The following BAG3 variants were observed in gnomAD, a reference collection of about 807,000 sequenced individuals.
BAG3 encodes the protein BAG family molecular chaperone regulator 3.
In BAG3, 14 loss-of-function variants were observed where a neutral mutation model predicts 40.5. The ratio of observed to expected loss-of-function variants is 0.35; its 90% CI spans 0.23 to 0.54. BAG3 has a LOEUF of 0.54. BAG3 is among the 20% of genes least tolerant of loss of function. BAG3 has a pLI of 0.91. For synonymous variants in BAG3, 302 were observed against 307.8 expected (o/e 0.98, Z 0.20); for missense variants, 788 against 758.6 (o/e 1.04, Z -0.46).
At position 119,658,623 on chromosome 10, in the gene BAG3, C is replaced by T. The variant is rs930351351; in HGVS notation, c.180+6768C>T. 4.6e-5 allele frequency among the ~76,000 whole-genome samples: 7 copies of T among 152,210 alleles called. No homozygotes were observed. The South Asian group carries it at 1.0e-3, about 23-fold the overall frequency. On this transcript the variant is annotated intron_variant, in intron 1 of 3. Transcript: ENST00000369085. ...CCCCGGGAGATGAAGGTTTTGGAGA[C>T]GTTAGTGACACATGGATGTTATCAC...
intron 1 of BAG3, among the ~76,000 whole-genome samples, chr10:119,655,306 C>T (rs193117498): frequency 6.6e-6 from 1 of 152,058 alleles, no homozygotes; most frequent in South Asian, 2.1e-4. Context: ...GGGAGGTGGT[C>T]CAGAGATCTT....
intron 3 of BAG3, among the ~76,000 whole-genome samples, chr10:119,675,784 TCCCTTCCCCCCTTC>T (rs1215247676): frequency 5.8e-4 from 7 of 12,066 alleles, no homozygotes; most frequent in South Asian, 4.6e-3. Flanking sequence ...TCCCTCCCCC[TCCCTTCCCCCCTTC>T]CCCTTCCCCC....
intron 1 of BAG3, among the ~76,000 whole-genome samples, chr10:119,664,712 C>G (rs1402518698): frequency 6.6e-6 from 1 of 152,148 alleles, no homozygotes; most frequent in Non-Finnish European, 1.5e-5. Flanking sequence ...CTGGTGTAAC[C>G]AAGAGGCATT....
chr10:119,672,425 C>T lies in BAG3; in HGVS notation c.678C>T (p.His226=), dbSNP rs1847164531. 1 of 1,614,218 alleles carries T rather than the reference C, an allele frequency of 6.2e-7. No individual in the cohort carries two copies. Among genetic ancestry groups the T allele is most frequent in the Non-Finnish European group, 8.5e-7 (1 of 1,180,046 alleles). ...GGCCAGCAGCCCAGCCCTCCTTCCACCAAGCCCAGAAGACGCACTACCCAG... is the reference window on the plus strand; with the variant it reads ...GGCCAGCAGCCCAGCCCTCCTTCCATCAAGCCCAGAAGACGCACTACCCAG... The part of the protein sequence containing the change: ...VTRPAAQPSF[H]QAQKTHYPAQ... Residue 226 remains histidine (H), a synonymous_variant, in exon 3 of 4, where the codon CAC becomes CAT. Transcript: ENST00000369085. This position sits in a 1 kb window ranked among gnomAD's most constrained non-coding sequence, Gnocchi z 4.8.
intron 2 of BAG3, 151 bp downstream of exon 2, chr10:119,670,328 CAA>C (rs1847131895): frequency 4.9e-6 from 4 of 816,776 alleles, no homozygotes; most frequent in Non-Finnish European, 7.5e-6. Context: ...GGTCACCCAG[CAA>C]AGACAGGGTG....
rs752390475 is a variant in BAG3, at chr10:119,677,125, T to C, written c.1571T>C (p.Ile524Thr). Residue 524 changes from isoleucine (I) to threonine (T), a missense_variant, in exon 4 of 4, where the codon ATC becomes ACC. Ile to Thr is a moderately conservative substitution (Grantham distance 89). Transcript: ENST00000369085. The stretch of plus-strand genomic sequence containing the variant: ...GAAGCAGATCAGCCACTGCAGGCAA[T>C]CATGGAGATGGGTGCCGTGGCAGCA... The part of the protein sequence containing the change: ...NLEADQPLQA[I>T]MEMGAVAADK... 6.2e-6 allele frequency: 10 copies of C among 1,613,938 alleles called. No homozygotes were observed. Among genetic ancestry groups the C allele is most frequent in the Middle Eastern group, 1.6e-4 (1 of 6,084 alleles).
chr10:119,651,750 A>G lies in BAG3; in HGVS notation c.75A>G (p.Gly25=). The G allele has an allele frequency of 6.3e-7, 1 of 1,599,538 alleles. No individual in the cohort carries two copies. The highest frequency in any genetic ancestry group is 8.5e-7 in the Non-Finnish European group (1 of 1,173,478). ...GNGDRDPLPP[G]WEIKIDPQTG... is the part of the protein sequence containing the mutation. ...GTGACCGCGACCCTTTGCCCCCCGG[A>G]TGGGAGATCAAGATCGACCCGCAGA... The change falls in exon 1 of 4, where the codon GGA becomes GGG. Residue 25 remains glycine, a synonymous_variant. Transcript: ENST00000369085.
At chr10:119,651,945 G>T in intron 1 of BAG3, 90 bp downstream of exon 1, 1 of 1,149,612 alleles carries the variant, frequency 8.7e-7, no homozygotes, top group Non-Finnish European at 1.1e-6. Flanking sequence ...ACGCGAGGCG[G>T]CGGGGCCCGG....
intron 1 of BAG3, among the ~76,000 whole-genome samples, chr10:119,663,690 G>C (rs369110129): frequency 5.3e-5 from 8 of 152,098 alleles, no homozygotes; most frequent in Non-Finnish European, 1.0e-4. Flanking sequence ...AGTGTAGTTA[G>C]GAGTAGTCGT....
At position 119,676,766 on chromosome 10, in the gene BAG3, A is replaced by G; in HGVS notation, c.1212A>G (p.Glu404=). The G allele has an allele frequency of 6.2e-7, 1 of 1,614,170 alleles. No individual in the cohort carries two copies. ...ERAAPSTAPA[E]ATPPKPGEAE... ...CAGCCCCCAGCACTGCCCCTGCAGAAGCTACACCTCCAAAACCAGGAGAAG... is the reference window on the plus strand; with the variant it reads ...CAGCCCCCAGCACTGCCCCTGCAGAGGCTACACCTCCAAAACCAGGAGAAG... The change falls in exon 4 of 4, where the codon GAA becomes GAG. Residue 404 remains glutamate, a synonymous_variant. Coordinates refer to ENST00000369085, the MANE Select transcript of BAG3 (RefSeq NM_004281.4).
chr10:119,655,872 G>A (rs1774243381), intron 1 of BAG3, among the ~76,000 whole-genome samples: 1 of 152,042 alleles, frequency 6.6e-6, no homozygotes, highest in Non-Finnish European at 1.5e-5. Flanking sequence ...GGTGGAGCCT[G>A]TACACAGGAC....
In BAG3 at chr10:119,672,419, C is replaced by T. The variant is rs757838430; in HGVS notation, c.672C>T (p.Ser224=). ...QNVTRPAAQP[S]FHQAQKTHYP... is the part of the protein sequence containing the mutation. The stretch of plus-strand genomic sequence containing the variant: ...TTACCCGGCCAGCAGCCCAGCCCTC[C>T]TTCCACCAAGCCCAGAAGACGCACT... Residue 224 remains serine, a synonymous_variant, in exon 3 of 4, where the codon TCC becomes TCT. Coordinates refer to ENST00000369085, the MANE Select transcript of BAG3 (RefSeq NM_004281.4). The surrounding 1 kb of genome is among the most constrained non-coding windows in gnomAD (Gnocchi z 4.8). 1.2e-6 allele frequency: 2 copies of T among 1,614,224 alleles called. No individual in the cohort carries two copies. The highest frequency in any genetic ancestry group is 1.1e-5 in the South Asian group (1 of 91,082).
intron 1 of BAG3, among the ~76,000 whole-genome samples, chr10:119,668,246 C>G (rs988228701): frequency 6.6e-6 from 1 of 152,212 alleles, no homozygotes; most frequent in African/African-American, 2.4e-5. Flanking sequence ...AAGGGCTAAA[C>G]CAGGGTCAGC....
chr10:119,658,466 G>A (rs1388984527), intron 1 of BAG3, among the ~76,000 whole-genome samples: 1 of 152,244 alleles, frequency 6.6e-6, no homozygotes, highest in Non-Finnish European at 1.5e-5. Context: ...CTGGCCTGAT[G>A]ACTCAGCATG....
At chr10:119,658,302 C>T (rs1846942368) in intron 1 of BAG3, among the ~76,000 whole-genome samples, 1 of 152,240 alleles carries the variant, frequency 6.6e-6, no homozygotes, top group Non-Finnish European at 1.5e-5. Context: ...TCAGTTCAGA[C>T]CCCCAGCATC....
rs369690617 is a variant in BAG3 at position 119,677,140 on chromosome 10, C to T, written c.1586C>T (p.Ala529Val). ...CTGCAGGCAATCATGGAGATGGGTG[C>T]CGTGGCAGCAGACAAGGGCAAGAAA... is the stretch of plus-strand genomic sequence containing the variant. ...QPLQAIMEMGAVAADKGKKNA... is the reference protein window; with the variant it reads ...QPLQAIMEMGVVAADKGKKNA... Residue 529 changes from alanine (A) to valine (V), a missense_variant, in exon 4 of 4, where the codon GCC becomes GTC. Coordinates refer to ENST00000369085, the MANE Select transcript of BAG3 (RefSeq NM_004281.4). The T allele has an allele frequency of 2.5e-6, 4 of 1,614,120 alleles. No individual in the cohort carries two copies. The highest frequency in any genetic ancestry group is 3.4e-6 in the Non-Finnish European group (4 of 1,180,020).
At chr10:119,673,064 C>T (rs1257255977) in intron 3 of BAG3, among the ~76,000 whole-genome samples, 1 of 152,118 alleles carries the variant, frequency 6.6e-6, no homozygotes, top group African/African-American at 2.4e-5. Context: ...CTCCACTCTG[C>T]AGGCCCATTC....
rs144434919 is a variant in BAG3, at chr10:119,669,731, C to T, written c.181-120C>T. ...GGTACAGGGGCTGGGAGCTGGCTGACGCTTTGAGGCCCAAGTCACTCGGGA... is the reference window on the plus strand; with the variant it reads ...GGTACAGGGGCTGGGAGCTGGCTGATGCTTTGAGGCCCAAGTCACTCGGGA... On this transcript the variant is annotated intron_variant, in intron 1 of 3. Coordinates refer to ENST00000369085, the MANE Select transcript of BAG3 (RefSeq NM_004281.4). The T allele has an allele frequency of 2.7e-3, 2,818 of 1,046,688 alleles. 42 individuals are homozygous for T. The highest frequency in any genetic ancestry group is 0.019 in the South Asian group (1,457 of 76,286). 64.8% of individuals were successfully genotyped at this position (1,046,688 alleles called of 1,614,324 possible).
intron 3 of BAG3, among the ~76,000 whole-genome samples, chr10:119,675,903 C>T (rs1267622233): frequency 3.9e-4 from 3 of 7,696 alleles, no homozygotes; most frequent in Non-Finnish European, 3.0e-4. Flanking sequence ...CTTCCTTCCC[C>T]CCTTCCTTCC....
Sources: gnomAD v4.1 joint callset for allele counts (sites outside exome capture counted in the v4.1 genomes callset) on GRCh38, gnomAD v4.1.1 for gene constraint, Gnocchi (gnomAD v3.1) non-coding constraint, MANE v1.5 for transcripts, NCBI Gene and HGNC (gene_info 2026-07-23, HGNC 2026-07-21) for gene names.